ADD2: variants seen among roughly 807,000 people sequenced by gnomAD.
ADD2 encodes the protein beta-adducin.
In ADD2, 23 loss-of-function variants were observed where a neutral mutation model predicts 83.0. That is an observed-to-expected ratio of 0.28 (90% CI 0.20 to 0.39). ADD2 has a LOEUF of 0.39. Among genes scored for constraint, ADD2 ranks in the 10% least tolerant of loss-of-function variants. The pLI is 1.00. For synonymous variants in ADD2, 375 were observed against 375.4 expected, an observed-to-expected ratio of 1.00 and a Z score of 0.01; for missense variants, 758 against 944.9, an observed-to-expected ratio of 0.80 and a Z score of 2.59.
At chr2:70,704,284 C>CCCCCCAACCCCAAAA in intron 4 of ADD2, 37 bp downstream of exon 4, 1 of 1,560,602 alleles carries the variant, frequency 6.4e-7, no homozygotes, top group Non-Finnish European at 8.7e-7. Context: ...CCCTCCCCTC[C>CCCCCCAACCCCAAAA]ACCTCTGCTC....
In ADD2 at chr2:70,661,966, CT is replaced by C; in HGVS notation, c.*1458del. The C allele has an allele frequency of 6.6e-6, 1 of 152,262 alleles. No homozygotes were observed. The allele number at this position is 152,262 out of a possible 1,614,324, so 9.4% of individuals were successfully genotyped here. A position where few individuals can be genotyped will look rare whatever the true frequency, so the allele number is the denominator to read the frequency against. ...ACAAAATGGGAATGATCTTACCCCC[CT>C]CAAAGGATTACTGTGAGGGTTAAAG... On this transcript the variant is annotated 3_prime_UTR_variant, in exon 16 of 16. Coordinates refer to ENST00000264436, the MANE Select transcript of ADD2 (RefSeq NM_001617.4).
Position 70,658,059 on chromosome 2 carries a change from T to C in ADD2, c.*5366A>G. 6.6e-6 allele frequency: 1 copy of C among 152,204 alleles called. No homozygotes were observed. Among genetic ancestry groups the C allele is most frequent in the East Asian group, 1.9e-4 (1 of 5,198 alleles). 9.4% of individuals were successfully genotyped at this position (152,204 alleles called of 1,614,324 possible). A position where few individuals can be genotyped will look rare whatever the true frequency, so the allele number is the denominator to read the frequency against. ...CAATATAGCCAAACCTAATATCACC[T>C]AAGTATGAACCAATGCGACCCATTG... On this transcript the variant is annotated 3_prime_UTR_variant, in exon 16 of 16. Transcript: ENST00000264436.
chr2:70,753,535 C>T (rs1327302729), intron 1 of ADD2, among the ~76,000 whole-genome samples: 5 of 151,802 alleles, frequency 3.3e-5, no homozygotes. Flanking sequence ...AAAAGATGGC[C>T]TCTGATAGAA....
intron 1 of ADD2, among the ~76,000 whole-genome samples, chr2:70,718,680 G>A (rs1672590407): frequency 6.6e-6 from 1 of 152,188 alleles, no homozygotes; most frequent in African/African-American, 2.4e-5. Context: ...TGCAGTGAAG[G>A]ACCCAGCATC....
chr2:70,681,716 T>G (rs545365100), intron 10 of ADD2, among the ~76,000 whole-genome samples: 1 of 152,068 alleles, frequency 6.6e-6, no homozygotes, highest in Non-Finnish European at 1.5e-5. Context: ...AACCATATTA[T>G]CTGTAAATAA....
rs148720630 is a variant in ADD2 at position 70,757,470 on chromosome 2, G to T, written c.-154+10416C>A. On this transcript the variant is annotated intron_variant, in intron 1 of 15. Coordinates refer to ENST00000264436, the MANE Select transcript of ADD2 (RefSeq NM_001617.4). Reference sequence around the variant, plus strand: ...GAGAGGAAGTCTCACACACAGTATGGTGGGAATGAGTGTGGAATGGTTAAG... The same window carrying T: ...GAGAGGAAGTCTCACACACAGTATGTTGGGAATGAGTGTGGAATGGTTAAG... Among the ~76,000 whole-genome samples the T allele has an allele frequency of 5.7e-3, 868 of 152,308 alleles. 10 individuals are homozygous for T. The highest frequency in any genetic ancestry group is 0.02 in the African/African-American group (820 of 41,566).
chr2:70,704,846 G>A (rs554909343), intron 3 of ADD2, among the ~76,000 whole-genome samples: 47 of 152,314 alleles, frequency 3.1e-4, no homozygotes, highest in South Asian at 2.5e-3. Flanking sequence ...AGCGATGCCT[G>A]TGATTCTTTC....
intron 1 of ADD2, among the ~76,000 whole-genome samples, chr2:70,756,931 C>A (rs929231635): frequency 1.3e-5 from 2 of 152,110 alleles, no homozygotes; most frequent in African/African-American, 2.4e-5. Flanking sequence ...CAGGTTCACG[C>A]GATTCTCCTG....
intron 10 of ADD2, among the ~76,000 whole-genome samples, chr2:70,682,387 G>A (rs1425683272): frequency 6.6e-6 from 1 of 152,132 alleles, no homozygotes; most frequent in Non-Finnish European, 1.5e-5. Flanking sequence ...AATGTTAATG[G>A]GAGTTGCATT....
Position 70,674,845 on chromosome 2 carries a change from GGT to G in ADD2, c.1594-22_1594-21del. On this transcript the variant is annotated intron_variant, in intron 13 of 15. Transcript: ENST00000264436. ...TGTAGACTGAAAGTTAACCACAGAGGGTGTGTCGCTCTCTGAACGCCGCAGTT... is the reference window on the plus strand; with the variant it reads ...TGTAGACTGAAAGTTAACCACAGAGGGTGTCGCTCTCTGAACGCCGCAGTT... The G allele has an allele frequency of 6.2e-7, 1 of 1,608,342 alleles. No individual in the cohort carries two copies. Among genetic ancestry groups the G allele is most frequent in the Non-Finnish European group, 8.5e-7 (1 of 1,177,340 alleles).
At position 70,767,158 on chromosome 2, in the gene ADD2, C is replaced by A. The variant is rs1055016336; in HGVS notation, c.-154+728G>T. On this transcript the variant is annotated intron_variant, in intron 1 of 15. Transcript: ENST00000264436. ...TTAAAAATAAGCAGACACCGACTCCCGCCTCCGGGACCGGGGATGGCCTCC... is the reference window on the plus strand; with the variant it reads ...TTAAAAATAAGCAGACACCGACTCCAGCCTCCGGGACCGGGGATGGCCTCC... Among the ~76,000 whole-genome samples, 69 of 152,282 alleles carry A rather than the reference C, an allele frequency of 4.5e-4. 1 individual carries two copies. Among genetic ancestry groups the A allele is most frequent in the Non-Finnish European group, 9.0e-4 (61 of 68,020 alleles).
intron 4 of ADD2, among the ~76,000 whole-genome samples, chr2:70,697,715 T>G (rs1239539501): frequency 6.6e-6 from 1 of 152,190 alleles, no homozygotes; most frequent in Non-Finnish European, 1.5e-5. Flanking sequence ...GTGGAAGTGA[T>G]GACGTGGTCT....
At chr2:70,683,349 G>A (rs1192487389) in intron 10 of ADD2, among the ~76,000 whole-genome samples, 1 of 152,050 alleles carries the variant, frequency 6.6e-6, no homozygotes, top group Admixed American at 6.6e-5. Context: ...TTTCATAGAG[G>A]ACACTGCAGA....
chr2:70,679,735 C>A (rs1234325488), intron 10 of ADD2, among the ~76,000 whole-genome samples: 1 of 152,022 alleles, frequency 6.6e-6, no homozygotes, highest in Non-Finnish European at 1.5e-5. Flanking sequence ...TATGCAAACT[C>A]TCACCCCAGA....
At chr2:70,688,601 G>A (rs1670864900) in intron 8 of ADD2, among the ~76,000 whole-genome samples, 1 of 152,252 alleles carries the variant, frequency 6.6e-6, no homozygotes, top group South Asian at 2.1e-4. Context: ...AGTTGACGTG[G>A]GAGTCAAAAC....
rs3064807 is a variant in ADD2, at chr2:70,657,006, A to AATATATATATAT, written c.*6407_*6418dup. ...GAAAACTATACAAAACCAACCCATA[A>AATATATATATAT]ATATATATATATATATAATATGTGT... On this transcript the variant is annotated 3_prime_UTR_variant, in exon 16 of 16. Transcript: ENST00000264436. The AATATATATATAT allele has an allele frequency of 1.4e-5, 2 of 147,690 alleles. No homozygotes were observed. Among genetic ancestry groups the AATATATATATAT allele is most frequent in the South Asian group, 4.3e-4 (2 of 4,680 alleles). 9.1% of individuals were successfully genotyped at this position (147,690 alleles called of 1,614,324 possible). A position where few individuals can be genotyped will look rare whatever the true frequency, so the allele number is the denominator to read the frequency against.
intron 6 of ADD2, among the ~76,000 whole-genome samples, chr2:70,695,077 T>A (rs2104338057): frequency 6.9e-6 from 1 of 145,246 alleles, no homozygotes; most frequent in South Asian, 2.2e-4. Flanking sequence ...AGCCTGGACT[T>A]TTGAGTGAGT....
chr2:70,761,592 A>G (rs1384167158), intron 1 of ADD2, among the ~76,000 whole-genome samples: 2 of 128,868 alleles, frequency 1.6e-5, no homozygotes, highest in African/African-American at 3.1e-5. Context: ...TGGGTGACAG[A>G]AAAAAAAAAA....
At chr2:70,758,699 T>A (rs1264691739) in intron 1 of ADD2, among the ~76,000 whole-genome samples, 1 of 151,772 alleles carries the variant, frequency 6.6e-6, no homozygotes, top group African/African-American at 2.4e-5. Flanking sequence ...ACTTGGGAGG[T>A]TGAGATGGGA....
Sources: allele counts gnomAD v4.1 joint callset (sites outside exome capture counted in the v4.1 genomes callset), GRCh38; gene constraint gnomAD v4.1.1; transcripts MANE v1.5; gene names NCBI Gene and HGNC (gene_info 2026-07-23, HGNC 2026-07-21).